AOAH: variants seen among roughly 807,000 people sequenced by gnomAD.
AOAH encodes the protein acyloxyacyl hydrolase.
A neutral mutation model predicts 92.2 loss-of-function variants in AOAH; 64 were observed. The ratio of observed to expected loss-of-function variants is 0.69; its 90% CI spans 0.57 to 0.86. AOAH has a LOEUF of 0.86. Ranked by LOEUF, AOAH falls within the 40% of genes least tolerant of loss-of-function variation. The probability of loss-of-function intolerance (pLI) is 0.00; values close to 1 mark genes in which losing one functional copy is unlikely to be tolerated. For synonymous variants in AOAH, 263 were observed against 254.5 expected, an observed-to-expected ratio of 1.03 and a Z score of -0.32; for missense variants, 656 against 694.6, an observed-to-expected ratio of 0.94 and a Z score of 0.62.
At chr7:36,554,060 T>C (rs1003129055) in intron 13 of AOAH, among the ~76,000 whole-genome samples, 1 of 152,250 alleles carries the variant, frequency 6.6e-6, no homozygotes, top group Non-Finnish European at 1.5e-5. Context: ...TCCTTGCCCA[T>C]GCCTATGTCA....
At chr7:36,667,263 C>G (rs1795601637) in intron 3 of AOAH, among the ~76,000 whole-genome samples, 1 of 152,186 alleles carries the variant, frequency 6.6e-6, no homozygotes, top group East Asian at 1.9e-4. Context: ...CTTGCACCAT[C>G]CCACTCCATC....
At chr7:36,612,378 T>G (rs1562620799) in intron 11 of AOAH, among the ~76,000 whole-genome samples, 1 of 152,232 alleles carries the variant, frequency 6.6e-6, no homozygotes, top group Non-Finnish European at 1.5e-5. Context: ...ATATGTCTAT[T>G]AATATGTGTA....
chr7:36,532,264 A>T, intron 17 of AOAH, 22 bp downstream of exon 17: 11 of 1,614,188 alleles, frequency 6.8e-6, no homozygotes, highest in Non-Finnish European at 9.3e-6. Flanking sequence ...GCGGGCCTTG[A>T]AGCAAGCCAG....
chr7:36,608,169 C>T (rs554489596), intron 11 of AOAH, among the ~76,000 whole-genome samples: 1 of 152,322 alleles, frequency 6.6e-6, no homozygotes, highest in South Asian at 2.1e-4. Flanking sequence ...TGGGGGTGTC[C>T]AACACCAGTC....
At chr7:36,605,706 T>C (rs955816426) in intron 11 of AOAH, among the ~76,000 whole-genome samples, 3 of 152,202 alleles carry the variant, frequency 2.0e-5, no homozygotes, top group Non-Finnish European at 1.5e-5. Flanking sequence ...CCCATGAGCC[T>C]GGGAGTGCAC....
At chr7:36,617,194 T>A (rs1791961840) in intron 10 of AOAH, among the ~76,000 whole-genome samples, 1 of 152,196 alleles carries the variant, frequency 6.6e-6, no homozygotes. Flanking sequence ...CTCACTGCAG[T>A]GGCTCCCCAG....
At chr7:36,584,084 A>T in intron 12 of AOAH, among the ~76,000 whole-genome samples, 1 of 152,232 alleles carries the variant, frequency 6.6e-6, no homozygotes, top group East Asian at 1.9e-4. Flanking sequence ...AGTTTAGGAA[A>T]TGTTTTATAT....
intron 11 of AOAH, among the ~76,000 whole-genome samples, chr7:36,608,640 G>T (rs1562616788): frequency 6.6e-6 from 1 of 152,110 alleles, no homozygotes; most frequent in Non-Finnish European, 1.5e-5. Flanking sequence ...TTTGAACACT[G>T]GTCTGTTTGA....
At chr7:36,651,888 C>A (rs1368587762) in intron 4 of AOAH, among the ~76,000 whole-genome samples, 1 of 152,166 alleles carries the variant, frequency 6.6e-6, no homozygotes, top group Non-Finnish European at 1.5e-5. Context: ...CACATACACA[C>A]ACACAGAGAC....
chr7:36,557,332 T>C (rs1786820290), intron 13 of AOAH, among the ~76,000 whole-genome samples: 1 of 152,258 alleles, frequency 6.6e-6, no homozygotes, highest in Non-Finnish European at 1.5e-5. Context: ...CTCTGGCTTG[T>C]AGAGTTTCTG....
rs574051571 is a variant in AOAH, at chr7:36,649,036, C to T, written c.390+10130G>A. Among the ~76,000 whole-genome samples, 6 of 152,286 alleles carry T rather than the reference C, an allele frequency of 3.9e-5. No individual in the cohort carries two copies. The South Asian group carries it at 8.3e-4, about 21-fold the overall frequency. On this transcript the variant is annotated intron_variant, in intron 4 of 20. Transcript: ENST00000617537. ...TAATTGTGTGGGAGGATTTTAGATGCTGTGTATATGCTAAGCACTTAGTCC... is the reference window on the plus strand; with the variant it reads ...TAATTGTGTGGGAGGATTTTAGATGTTGTGTATATGCTAAGCACTTAGTCC...
intron 12 of AOAH, among the ~76,000 whole-genome samples, chr7:36,579,724 T>C (rs79237345): frequency 3.3e-5 from 5 of 152,302 alleles, no homozygotes; most frequent in Non-Finnish European, 5.9e-5. Context: ...ACATTTTTTC[T>C]GCCTGGTTAT....
chr7:36,634,767 A>T (rs1267243851), intron 5 of AOAH, among the ~76,000 whole-genome samples: 2 of 152,224 alleles, frequency 1.3e-5, no homozygotes, highest in Non-Finnish European at 2.9e-5. Context: ...AATTCTCCTA[A>T]CAACAGTCTA....
intron 12 of AOAH, among the ~76,000 whole-genome samples, chr7:36,578,585 T>A (rs1047096805): frequency 6.6e-6 from 1 of 152,180 alleles, no homozygotes; most frequent in Non-Finnish European, 1.5e-5. Flanking sequence ...ATTGACTAGG[T>A]CTTTTGATGT....
At chr7:36,620,338 C>T (rs1392260875) in intron 9 of AOAH, among the ~76,000 whole-genome samples, 1 of 151,922 alleles carries the variant, frequency 6.6e-6, no homozygotes, top group African/African-American at 2.4e-5. Context: ...GCATTAAACG[C>T]CTCAAGGTGT....
intron 6 of AOAH, among the ~76,000 whole-genome samples, chr7:36,626,614 T>C (rs1208118117): frequency 1.3e-5 from 2 of 152,226 alleles, no homozygotes; most frequent in Admixed American, 6.5e-5. Context: ...AGCTTTATCA[T>C]ACTTAGTGTG....
intron 20 of AOAH, among the ~76,000 whole-genome samples, chr7:36,517,022 ATCAT>A (rs1363166743): frequency 1.3e-5 from 2 of 152,214 alleles, no homozygotes; most frequent in African/African-American, 4.8e-5. Context: ...ATCCACTGTA[ATCAT>A]TCATTCATTT....
rs569198947 is a variant in AOAH at position 36,646,341 on chromosome 7, C to T, written c.391-8431G>A. Among the ~76,000 whole-genome samples, 4 of 152,302 alleles carry T rather than the reference C, an allele frequency of 2.6e-5. No individual in the cohort carries two copies. In the South Asian group the frequency reaches 8.3e-4, roughly 32 times the overall value. The stretch of plus-strand genomic sequence containing the variant: ...CTTCCCTAGTATCTGGGCTCATAAA[C>T]AAGCTCTCCAGTACTAGGCTCTGTG... On this transcript the variant is annotated intron_variant, in intron 4 of 20. Transcript: ENST00000617537.
At chr7:36,564,176 T>G (rs1787505670) in intron 13 of AOAH, among the ~76,000 whole-genome samples, 1 of 152,188 alleles carries the variant, frequency 6.6e-6, no homozygotes. Context: ...CTCCCTGTCC[T>G]TTTTGAATTC....
Sources: allele counts gnomAD v4.1 joint callset (sites outside exome capture counted in the v4.1 genomes callset), GRCh38; gene constraint gnomAD v4.1.1; transcripts MANE v1.5; gene names NCBI Gene and HGNC (gene_info 2026-07-23, HGNC 2026-07-21).